PPP2R5C: variants seen among roughly 807,000 people sequenced by gnomAD.
PPP2R5C encodes the protein serine/threonine-protein phosphatase 2A 56 kDa regulatory subunit gamma isoform.
Under a neutral mutation model 68.9 loss-of-function variants are expected in PPP2R5C, and 7 were observed. The observed-to-expected ratio is 0.10, with a 90% confidence interval of 0.06 to 0.19. The LOEUF (loss-of-function observed/expected upper bound fraction) is 0.19. Ranked by LOEUF, PPP2R5C falls within the 10% of genes least tolerant of loss-of-function variation. The pLI is 1.00. For missense variants in PPP2R5C, 348 were observed against 641.3 expected (o/e 0.54, Z 4.94); for synonymous variants, 210 against 222.2 (o/e 0.95, Z 0.49).
intron 11 of PPP2R5C, among the ~76,000 whole-genome samples, chr14:101,910,753 G>A (rs2046337017): frequency 6.6e-6 from 1 of 150,784 alleles, no homozygotes; most frequent in African/African-American, 2.4e-5. Context: ...AGATCACGAG[G>A]TCAGGAGATC....
chr14:101,818,783 C>T (rs1411723133), intron 1 of PPP2R5C: 2 of 504,598 alleles, frequency 4.0e-6, no homozygotes, highest in African/African-American at 3.8e-5. Context: ...AACCTTATAT[C>T]TTATTGTTTT....
chr14:101,870,350 T>A (rs60171994), intron 2 of PPP2R5C, among the ~76,000 whole-genome samples: 13,187 of 152,206 alleles, frequency 0.087, 1,366 homozygotes, highest in African/African-American at 0.24. Context: ...AGGTCTGTGA[T>A]CCATTTTGTC....
chr14:101,808,858 A>C (rs947259448), upstream of PPP2R5C, among the ~76,000 whole-genome samples: 2 of 152,192 alleles, frequency 1.3e-5, no homozygotes, highest in Admixed American at 6.5e-5. Flanking sequence ...GGAACTACTA[A>C]TAACACTCAT....
intron 9 of PPP2R5C, among the ~76,000 whole-genome samples, chr14:101,902,917 G>A (rs1566955581): frequency 6.6e-6 from 1 of 151,924 alleles, no homozygotes; most frequent in African/African-American, 2.4e-5. Flanking sequence ...GAACTGCTGT[G>A]GTGTAGTCTC....
chr14:101,761,992 G>T (rs2036567795), intron 1 of PPP2R5C, 72 bp downstream of exon 1: 4 of 1,165,106 alleles, frequency 3.4e-6, no homozygotes, highest in Non-Finnish European at 4.3e-6. Context: ...ACGGCACCGG[G>T]GTCCTGCGCC....
Position 101,781,311 on chromosome 14 carries a change from C to G in PPP2R5C, c.94-4707C>G, listed in dbSNP as rs2037674399. Among the ~76,000 whole-genome samples the G allele has an allele frequency of 6.6e-6, 1 of 152,230 alleles. No individual in the cohort carries two copies. The highest frequency in any genetic ancestry group is 6.5e-5 in the Admixed American group (1 of 15,288). ...TCTGTCCTCAGGGACCCCTTCAGAC[C>G]TTCCCCACCCTCCGAAGCCTCAACC... On this transcript the variant is annotated intron_variant, in intron 2 of 14. Coordinates refer to the PPP2R5C transcript ENST00000328724. The surrounding 1 kb of genome is among the most constrained non-coding windows in gnomAD (Gnocchi z 6.4).
intron 1 of PPP2R5C, among the ~76,000 whole-genome samples, chr14:101,853,961 G>A (rs1327195726): frequency 1.3e-5 from 2 of 152,056 alleles, no homozygotes; most frequent in Admixed American, 6.6e-5. Flanking sequence ...CAACACACAC[G>A]AGCTCATTTA....
chr14:101,893,676 G>A (rs1053975679), intron 7 of PPP2R5C, among the ~76,000 whole-genome samples: 1 of 152,210 alleles, frequency 6.6e-6, no homozygotes, highest in Non-Finnish European at 1.5e-5. Context: ...CTTGAACCCG[G>A]GAGGCGGAGG....
chr14:101,854,358 C>T (rs2042303442), intron 1 of PPP2R5C, among the ~76,000 whole-genome samples: 1 of 152,152 alleles, frequency 6.6e-6, no homozygotes, highest in South Asian at 2.1e-4. Flanking sequence ...CAATGTTGGG[C>T]CTTTGGGCAT....
chr14:101,838,241 G>A (rs1486856556), intron 1 of PPP2R5C, among the ~76,000 whole-genome samples: 1 of 152,180 alleles, frequency 6.6e-6, no homozygotes, highest in Non-Finnish European at 1.5e-5. Context: ...AAGACAAGTA[G>A]ACCTGGAGCC....
chr14:101,889,012 A>T (rs1282878895), intron 5 of PPP2R5C, among the ~76,000 whole-genome samples: 1 of 148,722 alleles, frequency 6.7e-6, no homozygotes, highest in African/African-American at 2.5e-5. Context: ...CTGCCATATA[A>T]AAAAAAAAAA....
At chr14:101,786,990 G>A (rs986009595) in intron 3 of PPP2R5C, among the ~76,000 whole-genome samples, 43 of 152,174 alleles carry the variant, frequency 2.8e-4, no homozygotes, top group African/African-American at 9.2e-4. Context: ...AGTGGCTCGC[G>A]CTTATAATCT....
intron 2 of PPP2R5C, among the ~76,000 whole-genome samples, chr14:101,878,330 T>A (rs1331022100): frequency 6.6e-6 from 1 of 152,202 alleles, no homozygotes; most frequent in Non-Finnish European, 1.5e-5. Context: ...AAAGAGGACA[T>A]TGTGTTCAGA....
At chr14:101,772,159 A>G (rs1366139102) in intron 2 of PPP2R5C, among the ~76,000 whole-genome samples, 1 of 152,136 alleles carries the variant, frequency 6.6e-6, no homozygotes, top group Non-Finnish European at 1.5e-5. Context: ...TTACCTATCA[A>G]TCTTCTTAAT....
At chr14:101,881,503 A>G (rs1394928322) in intron 2 of PPP2R5C, among the ~76,000 whole-genome samples, 1 of 152,254 alleles carries the variant, frequency 6.6e-6, no homozygotes, top group Non-Finnish European at 1.5e-5. Flanking sequence ...CTGATCTGTC[A>G]GTATGTGTTA....
At chr14:101,760,979 G>A (rs1477640629), upstream of PPP2R5C, among the ~76,000 whole-genome samples, 2 of 111,188 alleles carry the variant, frequency 1.8e-5, no homozygotes, top group African/African-American at 7.0e-5. Flanking sequence ...GGAGGGGAGG[G>A]GAGGGCAGGG....
chr14:101,902,850 T>C (rs991860211), intron 9 of PPP2R5C, among the ~76,000 whole-genome samples: 4 of 152,120 alleles, frequency 2.6e-5, no homozygotes, highest in Non-Finnish European at 5.9e-5. Context: ...AGTAAGAAGC[T>C]CTGGAGCACG....
intron 8 of PPP2R5C, among the ~76,000 whole-genome samples, chr14:101,900,065 T>C (rs2045590165): frequency 6.6e-6 from 1 of 152,142 alleles, no homozygotes; most frequent in African/African-American, 2.4e-5. Context: ...TTTTAAATTT[T>C]GTGTAGAGAC....
At chr14:101,862,860 C>A (rs1370734062) in intron 2 of PPP2R5C, among the ~76,000 whole-genome samples, 2 of 146,794 alleles carry the variant, frequency 1.4e-5, no homozygotes, top group African/African-American at 5.1e-5. Context: ...TGCTCTGTTG[C>A]CCAGACTAGA....
Sources: gnomAD v4.1 joint callset for allele counts (sites outside exome capture counted in the v4.1 genomes callset) on GRCh38, gnomAD v4.1.1 for gene constraint, Gnocchi (gnomAD v3.1) non-coding constraint, MANE v1.5 for transcripts, NCBI Gene and HGNC (gene_info 2026-07-23, HGNC 2026-07-21) for gene names.